Variants in IPO5 observed in about 807,000 individuals in gnomAD.
IPO5 encodes the protein importin 5.
IPO5 carries 18 observed loss-of-function variants against 143.3 expected under a neutral mutation model. That is an observed-to-expected ratio of 0.13 (90% confidence interval 0.09 to 0.19). IPO5 has a LOEUF of 0.19. Among genes scored for constraint, IPO5 ranks in the 10% least tolerant of loss-of-function variants. The pLI, the probability that IPO5 is intolerant of heterozygous loss-of-function variation, is 1.00. For missense variants in IPO5, 1,013 were observed against 1,336.9 expected, an observed-to-expected ratio of 0.76 and a Z score of 3.78; for synonymous variants, 477 against 465.7, an observed-to-expected ratio of 1.02 and a Z score of -0.31.
intron 2 of IPO5, chr13:97,960,461 T>C (rs1170442846): frequency 2.0e-5 from 3 of 152,200 alleles, no homozygotes; most frequent in Non-Finnish European, 4.4e-5. Flanking sequence ...TAAATCAATA[T>C]CCTTCAGCTC....
chr13:98,002,504 A>G lies in IPO5; in HGVS notation c.1146A>G (p.Leu382=), dbSNP rs1888894666. ...WKYRHAGLMA[L]SAIGEGCHQQ... is the part of the protein sequence containing the mutation. Reference sequence around the variant, plus strand: ...ACCGGCATGCAGGATTGATGGCCTTATCTGCCATTGGTGAAGGGTGCCACC... The same window carrying G: ...ACCGGCATGCAGGATTGATGGCCTTGTCTGCCATTGGTGAAGGGTGCCACC... Residue 382 remains leucine (L), a synonymous_variant, in exon 14 of 29, where the codon TTA becomes TTG. Coordinates refer to ENST00000651721, the MANE Select transcript of IPO5 (RefSeq NM_002271.6). 1 of 1,614,006 alleles carries G rather than the reference A, an allele frequency of 6.2e-7. No individual in the cohort carries two copies. Among genetic ancestry groups the G allele is most frequent in the Non-Finnish European group, 8.5e-7 (1 of 1,179,936 alleles).
chr13:97,971,439 CT>C (rs1407995466), intron 3 of IPO5, among the ~76,000 whole-genome samples: 1 of 152,126 alleles, frequency 6.6e-6, no homozygotes, highest in Non-Finnish European at 1.5e-5. Flanking sequence ...ACCATTCAAA[CT>C]TTTTTTGCTG....
At chr13:97,963,669 T>G (rs935442477) in intron 2 of IPO5, among the ~76,000 whole-genome samples, 2 of 152,130 alleles carry the variant, frequency 1.3e-5, no homozygotes, top group African/African-American at 4.8e-5. Flanking sequence ...CACCCGGCCA[T>G]TATTACAGCT....
chr13:97,976,035 G>C (rs1309696443), intron 3 of IPO5: 12 of 868,334 alleles, frequency 1.4e-5, no homozygotes, highest in Non-Finnish European at 1.7e-5. Context: ...TGCCTTCCTG[G>C]GGGTGGGTGA....
intron 16 of IPO5, 40 bp from the exon 17 acceptor site, chr13:98,006,090 C>T (rs1411910365): frequency 3.7e-6 from 5 of 1,345,126 alleles, no homozygotes; most frequent in Non-Finnish European, 4.3e-6. Flanking sequence ...ATACTTCTTC[C>T]AGTTTTCCTT....
chr13:98,024,063 T>G lies in IPO5; in HGVS notation c.*2241T>G, dbSNP rs916591853. On this transcript the variant is annotated 3_prime_UTR_variant, in exon 29 of 29. Coordinates refer to ENST00000651721, the MANE Select transcript of IPO5 (RefSeq NM_002271.6). The stretch of plus-strand genomic sequence containing the variant: ...GCAAGCTATTTCTGGAGGGGAAAAA[T>G]GTGTGTGGCTCTTACGTTTTCTGGG... 6.6e-6 allele frequency: 1 copy of G among 152,244 alleles called. No individual in the cohort carries two copies. 9.4% of individuals were successfully genotyped at this position (152,244 alleles called of 1,614,324 possible).
In IPO5 at chr13:98,023,206, G is replaced by C. The variant is rs1890594038; in HGVS notation, c.*1384G>C. 6.6e-6 allele frequency: 1 copy of C among 152,532 alleles called. No homozygotes were observed. Among genetic ancestry groups the C allele is most frequent in the Middle Eastern group, 3.4e-3 (1 of 294 alleles). The allele number at this position is 152,532 out of a possible 1,614,324, so 9.4% of individuals were successfully genotyped here. A position where few individuals can be genotyped will look rare whatever the true frequency, so the allele number is the denominator to read the frequency against. On this transcript the variant is annotated 3_prime_UTR_variant, in exon 29 of 29. Coordinates refer to ENST00000651721, the MANE Select transcript of IPO5 (RefSeq NM_002271.6). ...TTTACGTTTGCAGCACAACACCATT[G>C]CCCGGAGGCTTCCGAATCTAGCAAA...
At chr13:97,970,016 T>C (rs1885688762) in intron 3 of IPO5, 186 bp downstream of exon 3, 1 of 576,354 alleles carries the variant, frequency 1.7e-6, no homozygotes, top group African/African-American at 1.9e-5. Flanking sequence ...ACTTCCTAAA[T>C]GTCAATGTAC....
chr13:97,971,871 G>T (rs760745386), intron 3 of IPO5, among the ~76,000 whole-genome samples: 1 of 152,082 alleles, frequency 6.6e-6, no homozygotes, highest in African/African-American at 2.4e-5. Context: ...TAATTATTGA[G>T]TATCTACTTA....
Position 97,989,176 on chromosome 13 carries a change from A to G in IPO5, c.467+12A>G, listed in dbSNP as rs764003135. ...CTTCACATTTTCTGGTATATACATT[A>G]ATCTAGTTTTTTGAGACATTTGATT... On this transcript the variant is annotated intron_variant, in intron 7 of 28. Transcript: ENST00000651721. The G allele has an allele frequency of 3.4e-6, 5 of 1,482,964 alleles. No individual in the cohort carries two copies. The Admixed American group carries it at 6.8e-5, about 20-fold the overall frequency. The allele number at this position is 1,482,964 out of a possible 1,614,324, so 91.9% of individuals were successfully genotyped here. A position where few individuals can be genotyped will look rare whatever the true frequency, so the allele number is the denominator to read the frequency against.
At chr13:97,978,652 A>G (rs893458631) in intron 4 of IPO5, among the ~76,000 whole-genome samples, 3 of 152,184 alleles carry the variant, frequency 2.0e-5, no homozygotes, top group African/African-American at 7.2e-5. Context: ...GCATGAAAAT[A>G]ATAGAAATTT....
At position 98,022,730 on chromosome 13, in the gene IPO5, A is replaced by G. The variant is rs1162013198; in HGVS notation, c.*908A>G. 6.6e-6 allele frequency: 1 copy of G among 152,208 alleles called. No individual in the cohort carries two copies. The highest frequency in any genetic ancestry group is 2.4e-5 in the African/African-American group (1 of 41,442). The allele number at this position is 152,208 out of a possible 1,614,324, so 9.4% of individuals were successfully genotyped here. On this transcript the variant is annotated 3_prime_UTR_variant, in exon 29 of 29. Transcript: ENST00000651721. ...TTTTAAGGTTTGCAAATTTCAGCCA[A>G]TTTTGTAGCTAAGATTGTTCTGATC...
At chr13:97,955,201 C>CA (rs1262168464) in intron 2 of IPO5, among the ~76,000 whole-genome samples, 1 of 151,798 alleles carries the variant, frequency 6.6e-6, no homozygotes, top group Non-Finnish European at 1.5e-5. Context: ...TGCACTCCAG[C>CA]CTGGGTGACA....
At chr13:97,954,416 T>G (rs187353154) in intron 2 of IPO5, among the ~76,000 whole-genome samples, 26 of 152,326 alleles carry the variant, frequency 1.7e-4, no homozygotes, top group Admixed American at 1.2e-3. Flanking sequence ...TTAGAAGCAG[T>G]ATGATTTTCA....
chr13:98,021,093 C>T lies in IPO5; in HGVS notation c.3167C>T (p.Pro1056Leu), dbSNP rs1330236010. The change falls in exon 28 of 29, where the codon CCT becomes CTT. Residue 1056 changes from proline to leucine, a missense_variant. By Grantham distance (98) the Pro-to-Leu change is moderately conservative. This residue lies in a region of IPO5 where 685 missense variants were observed against 994.9 expected (regional missense o/e 0.69). Coordinates refer to ENST00000651721, the MANE Select transcript of IPO5 (RefSeq NM_002271.6). Reference sequence around the variant, plus strand: ...CACGAGGCAATTAAACATGAAGATCCTTGTGCCAAACGTCTGGCCAATGTC... The same window carrying T: ...CACGAGGCAATTAAACATGAAGATCTTTGTGCCAAACGTCTGGCCAATGTC... ...EMHEAIKHED[P>L]CAKRLANVVR... 2 of 1,609,842 alleles carry T rather than the reference C, an allele frequency of 1.2e-6. No individual in the cohort carries two copies. The highest frequency in any genetic ancestry group is 1.3e-5 in the African/African-American group (1 of 74,494).
At chr13:97,995,382 C>T (rs963883743) in intron 11 of IPO5, among the ~76,000 whole-genome samples, 1 of 151,870 alleles carries the variant, frequency 6.6e-6, no homozygotes. Flanking sequence ...TTTGCATCCT[C>T]ATAGCTCAGC....
intron 20 of IPO5, among the ~76,000 whole-genome samples, chr13:98,011,024 G>T (rs1004088432): frequency 2.6e-5 from 4 of 151,192 alleles, no homozygotes; most frequent in Non-Finnish European, 5.9e-5. Context: ...CAGGTGATCC[G>T]CCTGCCATGA....
intron 25 of IPO5, among the ~76,000 whole-genome samples, chr13:98,017,824 A>C (rs113854806): frequency 0.01 from 1,518 of 151,038 alleles, 33 homozygotes; most frequent in African/African-American, 0.035. Context: ...TTGTATTTTT[A>C]GTTGTGTTTT....
At chr13:97,993,077 A>G (rs1887936348) in intron 10 of IPO5, 28 bp from the exon 11 acceptor site, 1 of 1,612,786 alleles carries the variant, frequency 6.2e-7, no homozygotes, top group African/African-American at 1.3e-5. Context: ...TAAATTATTA[A>G]ATGTATACAA....
Sources: allele counts gnomAD v4.1 joint callset (sites outside exome capture counted in the v4.1 genomes callset), GRCh38; gene constraint gnomAD v4.1.1; regional missense constraint gnomAD v4.1.1; transcripts MANE v1.5; gene names NCBI Gene and HGNC (gene_info 2026-07-23, HGNC 2026-07-21).